Variants in XKR9 observed in about 807,000 individuals in gnomAD.
XKR9 encodes the protein XK-related protein 9.
Under a neutral mutation model 32.0 loss-of-function variants are expected in XKR9, and 32 were observed. The ratio of observed to expected loss-of-function variants is 1.00; its 90% CI spans 0.76 to 1.34. XKR9 has a LOEUF of 1.34. Ranked by LOEUF, XKR9 falls within the 40% of genes most tolerant of loss-of-function variation. XKR9 has a pLI of 0.00. For synonymous variants in XKR9, 168 were observed against 143.4 expected (o/e 1.17, Z -1.22); for missense variants, 546 against 429.7 (o/e 1.27, Z -2.39).
At chr8:70,988,285 C>T in the XKR9 span, among the ~76,000 whole-genome samples, 1 of 151,124 alleles carries the variant, frequency 6.6e-6, no homozygotes, top group Non-Finnish European at 1.5e-5. Context: ...AGAAAATTAT[C>T]CCTATCTAGA....
the XKR9 span, among the ~76,000 whole-genome samples, chr8:70,917,719 A>G: frequency 2.6e-5 from 4 of 152,244 alleles, no homozygotes; most frequent in Non-Finnish European, 4.4e-5. Flanking sequence ...AAAGTGTAGT[A>G]GCAGTTATGC....
chr8:70,967,766 A>G, the XKR9 span, among the ~76,000 whole-genome samples: 9 of 151,934 alleles, frequency 5.9e-5, no homozygotes, highest in Non-Finnish European at 2.9e-5. Context: ...ATTGGCTCCC[A>G]ATCTCTTCTG....
chr8:70,702,002 A>T (rs979592106), intron 3 of XKR9, among the ~76,000 whole-genome samples: 1 of 152,184 alleles, frequency 6.6e-6, no homozygotes, highest in Non-Finnish European at 1.5e-5. Flanking sequence ...ACATATAAAA[A>T]GTTTAAATTC....
At chr8:71,004,801 A>G in the XKR9 span, among the ~76,000 whole-genome samples, 1 of 152,090 alleles carries the variant, frequency 6.6e-6, no homozygotes, top group Non-Finnish European at 1.5e-5. Context: ...GGTATCTATC[A>G]TGGGGAAATC....
At chr8:70,837,528 A>T in the XKR9 span, among the ~76,000 whole-genome samples, 1 of 152,090 alleles carries the variant, frequency 6.6e-6, no homozygotes. Flanking sequence ...GAACAGGATG[A>T]TGCTCTGGAG....
downstream of XKR9, among the ~76,000 whole-genome samples, chr8:70,738,856 G>C (rs1360722293): frequency 7.2e-5 from 11 of 152,098 alleles, no homozygotes; most frequent in African/African-American, 1.7e-4. Context: ...AATTTCTGGT[G>C]TTTTACATTT....
At chr8:70,776,947 C>CTCTCTCTCTCTCTA in intron 2 of XKR9, among the ~76,000 whole-genome samples, 1,148 of 54,206 alleles carry the variant, frequency 0.021, 44 homozygotes, top group East Asian at 0.079. Flanking sequence ...CTCTCTCTCT[C>CTCTCTCTCTCTCTA]TATATATATA....
At chr8:70,785,542 T>C (rs891771984) in intron 2 of XKR9, among the ~76,000 whole-genome samples, 1 of 144,718 alleles carries the variant, frequency 6.9e-6, no homozygotes, top group Non-Finnish European at 1.5e-5. Context: ...TCTTTCCTTC[T>C]GCTTGCTTTG....
chr8:71,033,097 A>C, the XKR9 span, among the ~76,000 whole-genome samples: 1 of 151,350 alleles, frequency 6.6e-6, no homozygotes, highest in African/African-American at 2.5e-5. Context: ...AAAAAAAAAA[A>C]TCAATAAACA....
At chr8:70,892,753 T>C in the XKR9 span, among the ~76,000 whole-genome samples, 1 of 152,216 alleles carries the variant, frequency 6.6e-6, no homozygotes, top group Non-Finnish European at 1.5e-5. Flanking sequence ...ATTCTCTTGC[T>C]GTTTCTGGAA....
intron 2 of XKR9, among the ~76,000 whole-genome samples, chr8:70,780,315 G>A (rs1807596611): frequency 6.6e-6 from 1 of 151,668 alleles, no homozygotes; most frequent in Non-Finnish European, 1.5e-5. Flanking sequence ...TAAGCTGGAT[G>A]TTTAGATAAT....
chr8:70,938,063 C>T, the XKR9 span, among the ~76,000 whole-genome samples: 1 of 151,908 alleles, frequency 6.6e-6, no homozygotes, highest in African/African-American at 2.4e-5. Context: ...GTTAAAGTGG[C>T]AAAATGTACA....
the XKR9 span, among the ~76,000 whole-genome samples, chr8:70,892,817 G>A: frequency 6.6e-6 from 1 of 152,104 alleles, no homozygotes; most frequent in African/African-American, 2.4e-5. Flanking sequence ...ATTCAAGGAG[G>A]TCCCTTTGGG....
chr8:70,924,518 A>C, the XKR9 span, among the ~76,000 whole-genome samples: 2 of 152,130 alleles, frequency 1.3e-5, no homozygotes, highest in Admixed American at 1.3e-4. Context: ...CTTCCATACT[A>C]CTGAGACTTA....
chr8:70,897,792 T>G, the XKR9 span, among the ~76,000 whole-genome samples: 1 of 152,214 alleles, frequency 6.6e-6, no homozygotes. Context: ...ATGAATAGCT[T>G]GCAAATATTT....
chr8:71,059,303 CCACTAA>C, the XKR9 span, among the ~76,000 whole-genome samples: 1 of 152,230 alleles, frequency 6.6e-6, no homozygotes, highest in Non-Finnish European at 1.5e-5. Context: ...GTCTCAGAAA[CCACTAA>C]CAAGGTGATT....
At chr8:70,700,016 C>G (rs1805458551) in intron 3 of XKR9, among the ~76,000 whole-genome samples, 1 of 152,208 alleles carries the variant, frequency 6.6e-6, no homozygotes, top group Non-Finnish European at 1.5e-5. Flanking sequence ...GTTCTCGAGC[C>G]TTGGCTTTCA....
chr8:70,964,925 T>C, the XKR9 span, among the ~76,000 whole-genome samples: 1 of 152,186 alleles, frequency 6.6e-6, no homozygotes, highest in Non-Finnish European at 1.5e-5. Context: ...CTCTTCCTAT[T>C]TGAATACCTT....
At chr8:70,754,585 A>G (rs1192460184) in intron 2 of XKR9, among the ~76,000 whole-genome samples, 3 of 151,136 alleles carry the variant, frequency 2.0e-5, no homozygotes, top group African/African-American at 7.3e-5. Flanking sequence ...GTGGAACAGA[A>G]CAGAGCCCTC....
Sources: gnomAD v4.1 joint callset for allele counts (sites outside exome capture counted in the v4.1 genomes callset) on GRCh38, gnomAD v4.1.1 for gene constraint, MANE v1.5 for transcripts, NCBI Gene and HGNC (gene_info 2026-07-23, HGNC 2026-07-21) for gene names.